Variants in MIB1 observed in about 807,000 individuals in gnomAD.
The protein encoded by MIB1 is E3 ubiquitin-protein ligase MIB1.
Under a neutral mutation model 124.5 loss-of-function variants are expected in MIB1, and 278 were observed. That is an observed-to-expected ratio of 2.23 (90% CI 2.02 to 2.47). The LOEUF (loss-of-function observed/expected upper bound fraction) is 2.47, where lower values mean the gene tolerates loss of function less well. Ranked by LOEUF, MIB1 falls within the 30% of genes most tolerant of loss-of-function variation. The pLI is 0.00. For missense variants in MIB1, 957 were observed against 1,254.4 expected (o/e 0.76, Z 3.58); for synonymous variants, 446 against 429.4 (o/e 1.04, Z -0.48).
intron 6 of MIB1, among the ~76,000 whole-genome samples, chr18:21,784,510 A>G (rs1283938677): frequency 6.6e-6 from 1 of 152,250 alleles, no homozygotes; most frequent in Non-Finnish European, 1.5e-5. Context: ...ATATAGAATA[A>G]GAATAGTTAT....
chr18:21,848,361 T>C (rs1459307886), intron 16 of MIB1, among the ~76,000 whole-genome samples: 1 of 151,922 alleles, frequency 6.6e-6, no homozygotes, highest in Non-Finnish European at 1.5e-5. Context: ...GGCAGGAGAA[T>C]TGCTTGAACC....
chr18:21,854,745 C>T, intron 18 of MIB1: 1 of 167,730 alleles, frequency 6.0e-6, no homozygotes, highest in Admixed American at 6.2e-5. Flanking sequence ...ATACATTTAG[C>T]AGTCATGGAA....
At chr18:21,740,047 A>C (rs1230907742), upstream of MIB1, among the ~76,000 whole-genome samples, 1 of 152,108 alleles carries the variant, frequency 6.6e-6, no homozygotes, top group Non-Finnish European at 1.5e-5. Context: ...TTCTGTTAGC[A>C]TTTCCCTCCT....
intron 20 of MIB1, among the ~76,000 whole-genome samples, chr18:21,862,735 C>T (rs1487760860): frequency 2.6e-5 from 4 of 152,082 alleles, no homozygotes; most frequent in Non-Finnish European, 5.9e-5. Context: ...CGCTGAGCCT[C>T]GTTTTCCTCA....
upstream of MIB1, among the ~76,000 whole-genome samples, chr18:21,738,308 A>C (rs143520170): frequency 1.1e-3 from 171 of 152,338 alleles, no homozygotes; most frequent in South Asian, 5.4e-3. Flanking sequence ...TGGAAACTGA[A>C]AAACCTGTTC....
chr18:21,732,481 C>T (rs1180762162), intron 1 of MIB1, among the ~76,000 whole-genome samples: 1 of 151,862 alleles, frequency 6.6e-6, no homozygotes, highest in African/African-American at 2.4e-5. Flanking sequence ...ACTGCAACCT[C>T]CATCTCCTGG....
At chr18:21,797,964 C>T in intron 7 of MIB1, 120 bp from the exon 8 acceptor site, 1 of 890,844 alleles carries the variant, frequency 1.1e-6, no homozygotes. Context: ...TATGGTTATC[C>T]TTTGAAAGTT....
chr18:21,774,442 G>T (rs1229121808), intron 4 of MIB1, among the ~76,000 whole-genome samples: 2 of 152,172 alleles, frequency 1.3e-5, no homozygotes, highest in Non-Finnish European at 2.9e-5. Context: ...ACAAAAATTA[G>T]CCGGGTTTGA....
At chr18:21,715,453 T>C (rs2040685502) in intron 1 of MIB1, among the ~76,000 whole-genome samples, 1 of 151,230 alleles carries the variant, frequency 6.6e-6, no homozygotes. Flanking sequence ...CAAAACAAAG[T>C]TTTTCAACAC....
chr18:21,791,376 GGA>G lies in MIB1; in HGVS notation c.912_913del (p.Trp304CysfsTer9). The G allele has an allele frequency of 6.2e-7, 1 of 1,604,406 alleles. No homozygotes were observed. Among genetic ancestry groups the G allele is most frequent in the Non-Finnish European group, 8.5e-7 (1 of 1,175,022 alleles). ...GAGGTTTAGCTTTGCTCTTGTAGGT[GGA>G]CCTTCAATCCTGCTGTTCTCACTAA... On this transcript the variant is annotated frameshift_variant, in exon 7 of 21. Coordinates refer to ENST00000261537, the MANE Select transcript of MIB1 (RefSeq NM_020774.4). LOFTEE classifies it high-confidence loss of function.
chr18:21,753,456 G>A (rs2040997664), intron 1 of MIB1, among the ~76,000 whole-genome samples: 2 of 152,042 alleles, frequency 1.3e-5, no homozygotes, highest in Admixed American at 1.3e-4. Flanking sequence ...CCAAAGTGTT[G>A]CGATTACAGT....
intron 3 of MIB1, among the ~76,000 whole-genome samples, chr18:21,770,595 C>G (rs371245586): frequency 6.6e-6 from 1 of 152,174 alleles, no homozygotes; most frequent in Admixed American, 6.5e-5. Context: ...GCTGGGATTA[C>G]AGGCATGAGC....
intron 6 of MIB1, among the ~76,000 whole-genome samples, chr18:21,782,582 G>T (rs1221172570): frequency 6.6e-6 from 1 of 151,908 alleles, no homozygotes; most frequent in Admixed American, 6.6e-5. Context: ...CATTGTTCAG[G>T]ATAATGTTTA....
chr18:21,856,665 C>T (rs536553262), intron 18 of MIB1, among the ~76,000 whole-genome samples: 50 of 152,288 alleles, frequency 3.3e-4, no homozygotes, highest in Non-Finnish European at 6.2e-4. Flanking sequence ...CACCATGGCA[C>T]ACTTGTACCT....
chr18:21,757,190 G>C (rs554782833), intron 1 of MIB1, among the ~76,000 whole-genome samples: 2 of 151,688 alleles, frequency 1.3e-5, no homozygotes, highest in South Asian at 4.2e-4. Context: ...GGTGGCTCAC[G>C]CCTGTAATCC....
At chr18:21,806,530 A>C (rs2041708860) in intron 10 of MIB1, among the ~76,000 whole-genome samples, 1 of 152,054 alleles carries the variant, frequency 6.6e-6, no homozygotes, top group Admixed American at 6.5e-5. Context: ...ACTCAAATAC[A>C]AAACAAACAG....
At chr18:21,812,467 A>C (rs1039985385) in intron 10 of MIB1, 1 of 152,250 alleles carries the variant, frequency 6.6e-6, no homozygotes, top group Non-Finnish European at 1.5e-5. Flanking sequence ...GTAATCATCC[A>C]GGTGAGTAAG....
intron 12 of MIB1, among the ~76,000 whole-genome samples, chr18:21,823,231 CAAA>C (rs11315288): frequency 5.6e-4 from 73 of 129,810 alleles, no homozygotes; most frequent in Middle Eastern, 4.0e-3. Flanking sequence ...AAGACTGTAT[CAAA>C]AAAAAAAAAA....
chr18:21,720,824 G>T (rs944976946), intron 1 of MIB1, among the ~76,000 whole-genome samples: 2 of 152,246 alleles, frequency 1.3e-5, no homozygotes, highest in African/African-American at 4.8e-5. Flanking sequence ...GCATGGTGGT[G>T]TGCACCTGTA....
Sources: gnomAD v4.1 joint callset for allele counts (sites outside exome capture counted in the v4.1 genomes callset) on GRCh38, gnomAD v4.1.1 for gene constraint, MANE v1.5 for transcripts, NCBI Gene and HGNC (gene_info 2026-07-23, HGNC 2026-07-21) for gene names.